WDR17: variants seen among roughly 807,000 people sequenced by gnomAD.
The protein encoded by WDR17 is WD repeat domain 17.
Under a neutral mutation model 161.7 loss-of-function variants are expected in WDR17, and 143 were observed. That is an observed-to-expected ratio of 0.88 (90% CI 0.77 to 1.02). The LOEUF (loss-of-function observed/expected upper bound fraction) is 1.02. Among genes scored for constraint, WDR17 ranks in the 50% least tolerant of loss-of-function variants. The pLI is 0.00. For synonymous variants in WDR17, 517 were observed against 515.6 expected (o/e 1.00, Z -0.04); for missense variants, 1,469 against 1,520.9 (o/e 0.97, Z 0.57).
chr4:176,141,896 A>G (rs1336932203), intron 10 of WDR17, 87 bp from the exon 11 acceptor site: 3 of 1,068,126 alleles, frequency 2.8e-6, no homozygotes, highest in Non-Finnish European at 4.0e-6. Context: ...GAATATTTCT[A>G]TTTGAAATTT....
intron 11 of WDR17, among the ~76,000 whole-genome samples, 182 bp downstream of exon 11, chr4:176,142,251 G>T (rs981631700): frequency 2.0e-5 from 3 of 152,052 alleles, no homozygotes; most frequent in Admixed American, 6.5e-5. Flanking sequence ...TTTATTCCAT[G>T]AAGTTTTTAC....
intron 28 of WDR17, among the ~76,000 whole-genome samples, chr4:176,179,082 T>TGTC (rs1751869264): frequency 6.6e-6 from 1 of 152,208 alleles, no homozygotes; most frequent in African/African-American, 2.4e-5. Context: ...ATAGGCTACA[T>TGTC]GAGTAAAATA....
intron 1 of WDR17, among the ~76,000 whole-genome samples, chr4:176,082,452 G>A (rs1408715806): frequency 4.0e-5 from 6 of 151,896 alleles, no homozygotes; most frequent in African/African-American, 7.3e-5. Flanking sequence ...CCTAAAAGTC[G>A]ACCTGAGATT....
intron 1 of WDR17, among the ~76,000 whole-genome samples, chr4:176,082,028 T>C (rs1734811806): frequency 6.6e-6 from 1 of 152,108 alleles, no homozygotes. Context: ...CTAGCTCTTC[T>C]GCTCTAAGTT....
At chr4:176,071,235 C>A (rs914968364) in intron 1 of WDR17, among the ~76,000 whole-genome samples, 3 of 151,664 alleles carry the variant, frequency 2.0e-5, no homozygotes, top group Non-Finnish European at 4.4e-5. Flanking sequence ...TTACTTATTT[C>A]CTTCCATAGT....
intron 22 of WDR17, among the ~76,000 whole-genome samples, chr4:176,164,665 C>G (rs896012868): frequency 6.6e-6 from 1 of 152,146 alleles, no homozygotes; most frequent in Non-Finnish European, 1.5e-5. Context: ...GCAGCCAACT[C>G]GGGAAAAGAA....
chr4:176,182,654 A>T lies in WDR17; in HGVS notation c.*3075A>T, dbSNP rs1752274727. On this transcript the variant is annotated 3_prime_UTR_variant, in exon 29 of 29. Transcript: ENST00000508596. This position sits in a 1 kb window ranked among gnomAD's most constrained non-coding sequence, Gnocchi z 4.2. ...TCAACTCTTAATTAATGCTTATTGT[A>T]CCAAATCTTTGAGATATTTGTACAT... is the stretch of plus-strand genomic sequence containing the variant. 1 of 152,156 alleles carries T rather than the reference A, an allele frequency of 6.6e-6. No individual in the cohort carries two copies. 9.4% of individuals were successfully genotyped at this position (152,156 alleles called of 1,614,324 possible). A position where few individuals can be genotyped will look rare whatever the true frequency, so the allele number is the denominator to read the frequency against.
At chr4:176,120,477 C>T (rs1741408786) in intron 4 of WDR17, among the ~76,000 whole-genome samples, 1 of 151,882 alleles carries the variant, frequency 6.6e-6, no homozygotes, top group African/African-American at 2.4e-5. Flanking sequence ...TGATGGTTTA[C>T]TAATACTAAA....
At position 176,181,187 on chromosome 4, in the gene WDR17, T is replaced by G. The variant is rs1752117892; in HGVS notation, c.*1608T>G. On this transcript the variant is annotated 3_prime_UTR_variant, in exon 29 of 29. Transcript: ENST00000508596. ...AAGACATTACAGGCTTAAATTCCAT[T>G]TTATTAAAAAAAAAAAATTGCCTGT... 2.6e-5 allele frequency: 3 copies of G among 116,536 alleles called. No homozygotes were observed. In the Admixed American group the frequency reaches 3.1e-4, roughly 12 times the overall value. 7.2% of individuals were successfully genotyped at this position (116,536 alleles called of 1,614,324 possible).
intron 1 of WDR17, among the ~76,000 whole-genome samples, chr4:176,104,980 A>G (rs186210588): frequency 3.9e-5 from 6 of 151,964 alleles, no homozygotes; most frequent in Admixed American, 1.3e-4. Flanking sequence ...TATGCCGTCT[A>G]CAGTTGATTC....
At chr4:176,147,794 A>G (rs1746421778) in intron 12 of WDR17, among the ~76,000 whole-genome samples, 1 of 79,050 alleles carries the variant, frequency 1.3e-5, no homozygotes, top group Non-Finnish European at 2.8e-5. Flanking sequence ...GTTTACTACC[A>G]GTAATGAGTA....
chr4:176,077,828 C>T (rs1734246940), intron 1 of WDR17, among the ~76,000 whole-genome samples: 1 of 151,742 alleles, frequency 6.6e-6, no homozygotes, highest in Non-Finnish European at 1.5e-5. Flanking sequence ...CATATCTCCT[C>T]ATGATAATAA....
chr4:176,167,456 C>A (rs576990813), intron 22 of WDR17, among the ~76,000 whole-genome samples: 8 of 150,862 alleles, frequency 5.3e-5, no homozygotes, highest in Admixed American at 3.3e-4. Flanking sequence ...ACCATCCTGG[C>A]TAACACGGTG....
chr4:176,109,154 A>G (rs951094069), intron 1 of WDR17, among the ~76,000 whole-genome samples: 1 of 152,146 alleles, frequency 6.6e-6, no homozygotes, highest in African/African-American at 2.4e-5. Context: ...TTCCAAATAT[A>G]AACTCAATAT....
chr4:176,113,427 T>C (rs1451476069), intron 2 of WDR17, among the ~76,000 whole-genome samples: 4 of 152,156 alleles, frequency 2.6e-5, no homozygotes, highest in Admixed American at 1.3e-4. Flanking sequence ...ATTAGTAATA[T>C]AAACAATGTA....
intron 18 of WDR17, 30 bp from the exon 19 acceptor site, chr4:176,159,963 AT>A: frequency 1.3e-6 from 2 of 1,539,596 alleles, no homozygotes; most frequent in Non-Finnish European, 1.8e-6. Flanking sequence ...AAAATAATAT[AT>A]TGTTTAAAAA....
intron 17 of WDR17, among the ~76,000 whole-genome samples, chr4:176,155,721 A>ATG (rs1350333158): frequency 6.9e-6 from 1 of 144,950 alleles, no homozygotes; most frequent in African/African-American, 2.5e-5. Flanking sequence ...ATTAAAATAT[A>ATG]TATATATATA....
chr4:176,098,616 C>A (rs1579041358), intron 1 of WDR17, among the ~76,000 whole-genome samples: 1 of 151,948 alleles, frequency 6.6e-6, no homozygotes, highest in African/African-American at 2.4e-5. Context: ...ATCTCCTTGG[C>A]AACTGTAGAT....
intron 4 of WDR17, among the ~76,000 whole-genome samples, chr4:176,121,566 G>C (rs779847300): frequency 6.6e-6 from 1 of 151,980 alleles, no homozygotes; most frequent in Non-Finnish European, 1.5e-5. Flanking sequence ...TGAGGAGTGT[G>C]TTTTTATTTT....
Sources: gnomAD v4.1 joint callset for allele counts (sites outside exome capture counted in the v4.1 genomes callset) on GRCh38, gnomAD v4.1.1 for gene constraint, Gnocchi (gnomAD v3.1) non-coding constraint, MANE v1.5 for transcripts, NCBI Gene and HGNC (gene_info 2026-07-23, HGNC 2026-07-21) for gene names.